PTPN14: variants seen among roughly 807,000 people sequenced by gnomAD.
PTPN14 encodes protein tyrosine phosphatase non-receptor type 14.
In PTPN14, 53 loss-of-function variants were observed where a neutral mutation model predicts 126.8. The ratio of observed to expected loss-of-function variants is 0.42; its 90% CI spans 0.34 to 0.53. PTPN14 has a LOEUF of 0.53. Among genes scored for constraint, PTPN14 ranks in the 20% least tolerant of loss-of-function variants. The pLI is 0.08. For missense variants in PTPN14, 1,257 were observed against 1,552.9 expected (o/e 0.81, Z 3.20); for synonymous variants, 630 against 599.3 (o/e 1.05, Z -0.75).
intron 2 of PTPN14, among the ~76,000 whole-genome samples, chr1:214,463,319 G>A (rs1204287181): frequency 1.9e-4 from 9 of 46,672 alleles, no homozygotes; most frequent in Admixed American, 1.3e-3. Flanking sequence ...TGATACCAAC[G>A]AGAAAAAGAG....
chr1:214,419,959 T>G (rs141708379), intron 3 of PTPN14, among the ~76,000 whole-genome samples: 1 of 152,140 alleles, frequency 6.6e-6, no homozygotes, highest in South Asian at 2.1e-4. Flanking sequence ...CCCTCTATCC[T>G]CAAAACTCTT....
intron 1 of PTPN14, among the ~76,000 whole-genome samples, chr1:214,498,805 C>A (rs1045790870): frequency 2.6e-5 from 4 of 151,680 alleles, no homozygotes; most frequent in African/African-American, 9.7e-5. Context: ...TTTTTTCCTG[C>A]GAGATCCTTG....
chr1:214,384,090 A>C lies in PTPN14; in HGVS notation c.1765T>G (p.Tyr589Asp). 1.3e-6 allele frequency: 2 copies of C among 1,572,150 alleles called. No individual in the cohort carries two copies. The highest frequency in any genetic ancestry group is 2.3e-5 in the South Asian group (2 of 85,882). ...AGGTCCGGGCTGCTGCCGCTGACGT[A>C]CTTGTGGCGGTGGCTGGCCAGGTCT... ...TPDLASHRHKYVSGSSPDLVT... is the reference protein window; with the variant it reads ...TPDLASHRHKDVSGSSPDLVT... The change falls in exon 13 of 19, where the codon TAC (tyrosine) becomes GAC (aspartate). Residue 589 changes from tyrosine (Y) to aspartate (D), a missense_variant. By Grantham distance (160) the Tyr-to-Asp change is radical. Around this residue, in one of 3 missense-constraint regions of PTPN14, gnomAD observed 1,021 missense variants for 1,183.3 expected, o/e 0.86. Transcript: ENST00000366956. The surrounding 1 kb of genome is among the most constrained non-coding windows in gnomAD (Gnocchi z 5.3).
intron 1 of PTPN14, among the ~76,000 whole-genome samples, chr1:214,535,748 C>T (rs1007348802): frequency 1.3e-4 from 20 of 148,610 alleles, no homozygotes; most frequent in Non-Finnish European, 2.8e-4. Flanking sequence ...CATTGCACTC[C>T]AGTCTGGGCA....
intron 4 of PTPN14, among the ~76,000 whole-genome samples, chr1:214,413,830 G>C (rs1659363395): frequency 6.6e-6 from 1 of 152,026 alleles, no homozygotes; most frequent in Non-Finnish European, 1.5e-5. Flanking sequence ...CACCATGCTT[G>C]GCTAATTCTT....
At chr1:214,359,931 A>C (rs1310586342) in intron 18 of PTPN14, among the ~76,000 whole-genome samples, 1 of 152,238 alleles carries the variant, frequency 6.6e-6, no homozygotes, top group Non-Finnish European at 1.5e-5. Flanking sequence ...AAATTAATTC[A>C]GTGTCATGGG....
intron 1 of PTPN14, among the ~76,000 whole-genome samples, chr1:214,523,908 G>C (rs186597858): frequency 6.9e-4 from 103 of 149,360 alleles, no homozygotes; most frequent in Non-Finnish European, 1.2e-3. Context: ...GGAGTGCAGT[G>C]GTACAATCTC....
chr1:214,421,017 T>C (rs1466469846), intron 3 of PTPN14, among the ~76,000 whole-genome samples: 1 of 152,240 alleles, frequency 6.6e-6, no homozygotes, highest in African/African-American at 2.4e-5. Context: ...AAGTTAAACA[T>C]ACAATTATCA....
chr1:214,539,210 T>C (rs1655780968), intron 1 of PTPN14, among the ~76,000 whole-genome samples: 1 of 152,246 alleles, frequency 6.6e-6, no homozygotes, highest in African/African-American at 2.4e-5. Flanking sequence ...AACCAAGATT[T>C]CTCTGGTAGG....
intron 3 of PTPN14, among the ~76,000 whole-genome samples, chr1:214,447,663 TG>T (rs1303775807): frequency 6.6e-6 from 1 of 152,188 alleles, no homozygotes; most frequent in Non-Finnish European, 1.5e-5. Context: ...TAGGGCCCCT[TG>T]GAGGCAACAA....
At chr1:214,405,807 C>T (rs564169989) in intron 5 of PTPN14, among the ~76,000 whole-genome samples, 1 of 152,130 alleles carries the variant, frequency 6.6e-6, no homozygotes, top group Non-Finnish European at 1.5e-5. Flanking sequence ...TGTATTATGT[C>T]TTTTAATGCT....
intron 5 of PTPN14, among the ~76,000 whole-genome samples, chr1:214,407,209 C>T (rs1010055918): frequency 6.6e-6 from 1 of 152,184 alleles, no homozygotes; most frequent in Non-Finnish European, 1.5e-5. Flanking sequence ...GATAATACCA[C>T]TGTTTACTTG....
intron 3 of PTPN14, among the ~76,000 whole-genome samples, chr1:214,449,653 T>C (rs1337326366): frequency 1.3e-5 from 2 of 152,184 alleles, no homozygotes; most frequent in East Asian, 3.9e-4. Flanking sequence ...TTAATAATTT[T>C]TTGTACAGGA....
chr1:214,384,464 T>C lies in PTPN14; in HGVS notation c.1391A>G (p.Gln464Arg), dbSNP rs745765621. 6.2e-7 allele frequency: 1 copy of C among 1,614,044 alleles called. No homozygotes were observed. The highest frequency in any genetic ancestry group is 8.5e-7 in the Non-Finnish European group (1 of 1,180,032). Residue 464 changes from glutamine to arginine, a missense_variant, in exon 13 of 19, where the codon CAG (glutamine) becomes CGG (arginine). Gln to Arg is a conservative substitution (Grantham distance 43). Coordinates refer to ENST00000366956, the MANE Select transcript of PTPN14 (RefSeq NM_005401.5). This position sits in a 1 kb window ranked among gnomAD's most constrained non-coding sequence, Gnocchi z 5.3. ...RGILHTDSQS[Q>R]SLRNLNIINT... ...GATAATGTTGAGGTTTCTCAGAGACTGGCTCTGGCTGTCTGTATGCAGGAT... is the reference window on the plus strand; with the variant it reads ...GATAATGTTGAGGTTTCTCAGAGACCGGCTCTGGCTGTCTGTATGCAGGAT...
At chr1:214,430,315 T>C (rs533728312) in intron 3 of PTPN14, among the ~76,000 whole-genome samples, 2 of 152,292 alleles carry the variant, frequency 1.3e-5, no homozygotes, top group East Asian at 3.9e-4. Context: ...TGCCTAACAA[T>C]GCTGACTCAC....
chr1:214,449,960 A>T (rs1363700832), intron 3 of PTPN14, among the ~76,000 whole-genome samples: 1 of 151,904 alleles, frequency 6.6e-6, no homozygotes, highest in Non-Finnish European at 1.5e-5. Context: ...GCGAGACTTC[A>T]TCTCTACAAA....
At chr1:214,487,633 CA>C (rs11292597) in intron 1 of PTPN14, among the ~76,000 whole-genome samples, 123,035 of 137,378 alleles carry the variant, frequency 0.9, 54,794 homozygotes, top group African/African-American at 0.94. Context: ...GACTCCGTCT[CA>C]AAAAAAAAAA....
chr1:214,471,516 C>G (rs1196743083), intron 1 of PTPN14, among the ~76,000 whole-genome samples: 2 of 152,196 alleles, frequency 1.3e-5, no homozygotes, highest in East Asian at 3.9e-4. Flanking sequence ...TCCTACTCTT[C>G]TCATAGTTTC....
chr1:214,408,401 C>T (rs1481671514), intron 5 of PTPN14, among the ~76,000 whole-genome samples: 1 of 152,170 alleles, frequency 6.6e-6, no homozygotes, highest in African/African-American at 2.4e-5. Flanking sequence ...ACACTCTTCT[C>T]TTTTACTCTG....
Sources: gnomAD v4.1 joint callset for allele counts (sites outside exome capture counted in the v4.1 genomes callset) on GRCh38, gnomAD v4.1.1 for gene constraint, gnomAD v4.1.1 regional missense constraint, Gnocchi (gnomAD v3.1) non-coding constraint, MANE v1.5 for transcripts, NCBI Gene and HGNC (gene_info 2026-07-23, HGNC 2026-07-21) for gene names.